COX11: variants seen among roughly 807,000 people sequenced by gnomAD.
COX11 encodes cytochrome c oxidase assembly protein COX11, mitochondrial.
Under a neutral mutation model 29.4 loss-of-function variants are expected in COX11, and 18 were observed. The ratio of observed to expected loss-of-function variants is 0.61; its 90% CI spans 0.42 to 0.91. The LOEUF (loss-of-function observed/expected upper bound fraction) is 0.91. Ranked by LOEUF, COX11 falls within the 40% of genes least tolerant of loss-of-function variation. The probability of loss-of-function intolerance (pLI) is 0.00; values close to 1 mark genes in which losing one functional copy is unlikely to be tolerated. For synonymous variants in COX11, 131 were observed against 124.0 expected (o/e 1.06, Z -0.38); for missense variants, 312 against 346.0 (o/e 0.90, Z 0.78).
downstream of COX11, chr17:54,959,618 T>A (rs1020287775): frequency 2.6e-5 from 2 of 77,008 alleles, no homozygotes; most frequent in African/African-American, 1.1e-4. Flanking sequence ...GAAGATTAAT[T>A]TTTTTTTTTT....
intron 1 of COX11, among the ~76,000 whole-genome samples, chr17:54,967,991 C>T (rs1391101479): frequency 9.6e-6 from 1 of 104,634 alleles, no homozygotes; most frequent in Non-Finnish European, 1.8e-5. Flanking sequence ...TTAGAGGCTG[C>T]GGACCTTTTT....
exon 1 of COX11, chr17:54,952,777 A>G (rs1192087498): frequency 6.6e-6 from 1 of 152,302 alleles, no homozygotes; most frequent in Non-Finnish European, 1.5e-5. Context: ...TGAGGCCCCA[A>G]GTCTGGAACT....
chr17:54,953,752 C>T (rs2049351423), exon 1 of COX11: 1 of 152,154 alleles, frequency 6.6e-6, no homozygotes, highest in Non-Finnish European at 1.5e-5. Flanking sequence ...CATCTCTTTA[C>T]TATAGACCTT....
downstream of COX11, among the ~76,000 whole-genome samples, chr17:54,958,808 G>A (rs913407874): frequency 1.3e-5 from 2 of 151,408 alleles, no homozygotes; most frequent in African/African-American, 4.9e-5. Flanking sequence ...TGGAATTAAA[G>A]GCTGTACTTT....
rs1040163645 is a variant in COX11 at position 54,963,445 on chromosome 17, T to C, written c.523-14A>G. The C allele has an allele frequency of 1.9e-6, 3 of 1,594,904 alleles. No homozygotes were observed. Among genetic ancestry groups the C allele is most frequent in the Middle Eastern group, 4.1e-4 (2 of 4,862 alleles). On this transcript the variant is annotated splice_polypyrimidine_tract_variant and intron_variant, in intron 2 of 3. Transcript: ENST00000299335. ...TCCTGGCACCACCTGTTTTAAAGAA[T>C]ATATATATTATCAATACTTTGAATC...
At chr17:54,955,516 G>A (rs770461166), downstream of COX11, among the ~76,000 whole-genome samples, 1 of 152,084 alleles carries the variant, frequency 6.6e-6, no homozygotes, top group Non-Finnish European at 1.5e-5. Context: ...GATATTTTAG[G>A]GGTTGCCACA....
chr17:54,968,003 T>TTTTA (rs2077290729), intron 1 of COX11, among the ~76,000 whole-genome samples: 1 of 149,696 alleles, frequency 6.7e-6, no homozygotes, highest in Non-Finnish European at 1.5e-5. Context: ...GACCTTTTTT[T>TTTTA]TTTTTTTTGG....
chr17:54,964,320 T>C (rs1262126651), intron 2 of COX11, among the ~76,000 whole-genome samples: 1 of 152,206 alleles, frequency 6.6e-6, no homozygotes, highest in Non-Finnish European at 1.5e-5. Flanking sequence ...AACTACTCAT[T>C]GTAACCAATG....
rs190375354 is a variant in COX11, at chr17:54,961,380, T to C, written c.*1353A>G. 857 of 1,549,912 alleles carry C rather than the reference T, an allele frequency of 5.5e-4. 6 individuals are homozygous for C. In the African/African-American group the frequency reaches 0.011, roughly 19 times the overall value. On this transcript the variant is annotated 3_prime_UTR_variant, in exon 4 of 4. Transcript: ENST00000299335. ...CATTTCTGCTATAATGAAGATTAAATAGAATAACAGTTCCAGGATAACACT... is the reference window on the plus strand; with the variant it reads ...CATTTCTGCTATAATGAAGATTAAACAGAATAACAGTTCCAGGATAACACT...
intron 1 of COX11, among the ~76,000 whole-genome samples, chr17:54,966,462 T>C (rs951983674): frequency 6.6e-6 from 1 of 152,230 alleles, no homozygotes; most frequent in Admixed American, 6.5e-5. Flanking sequence ...CTTAGAACTA[T>C]GGACATTTTG....
intron 1 of COX11, among the ~76,000 whole-genome samples, chr17:54,965,328 A>G (rs551811367): frequency 6.6e-6 from 1 of 152,168 alleles, no homozygotes; most frequent in Non-Finnish European, 1.5e-5. Context: ...TCCAAATAAG[A>G]TTGTAGCTTC....
At chr17:54,964,648 G>A in intron 2 of COX11, 49 bp downstream of exon 2, 2 of 1,535,594 alleles carry the variant, frequency 1.3e-6, no homozygotes, top group South Asian at 2.3e-5. Flanking sequence ...ATGAAAGAAA[G>A]GAATTTACAT....
In COX11 at chr17:54,962,042, T is replaced by G; in HGVS notation, c.*691A>C. 1.0e-6 allele frequency: 1 copy of G among 984,892 alleles called. No homozygotes were observed. The highest frequency in any genetic ancestry group is 4.7e-5 in the South Asian group (1 of 21,274). 61.0% of individuals were successfully genotyped at this position (984,892 alleles called of 1,614,324 possible). A position where few individuals can be genotyped will look rare whatever the true frequency, so the allele number is the denominator to read the frequency against. On this transcript the variant is annotated 3_prime_UTR_variant, in exon 4 of 4. Transcript: ENST00000299335. ...TCTTCACAATCCCACCTGTACATTT[T>G]AACATTCATGGACTTGTAATGGTGA...
chr17:54,956,308 CTAATT>C (rs1308671506), downstream of COX11, among the ~76,000 whole-genome samples: 2 of 152,064 alleles, frequency 1.3e-5, no homozygotes, highest in African/African-American at 4.8e-5. Context: ...CCATGCCTGG[CTAATT>C]TAATTTTTTG....
At chr17:54,954,885 T>C (rs2049415040) in exon 1 of COX11, 2 of 152,222 alleles carry the variant, frequency 1.3e-5, no homozygotes, top group Admixed American at 1.3e-4. Flanking sequence ...GCAAAAAAAG[T>C]CCAATTGGAG....
rs751770017 is a variant in COX11 at position 54,968,614 on chromosome 17, G to A, written c.33C>T (p.Cys11=). Residue 11 remains cysteine (C), a synonymous_variant, in exon 1 of 4, where the codon TGC becomes TGT. Transcript: ENST00000299335. MGGLWRPGWR[C]VPFCGWRWIH... is the part of the protein sequence containing the mutation. ...TCCAGCGCCAGCCACAGAAAGGAAC[G>A]CACCTCCATCCAGGACGCCAGAGCC... is the stretch of plus-strand genomic sequence containing the variant. 15 of 1,612,868 alleles carry A rather than the reference G, an allele frequency of 9.3e-6. No homozygotes were observed. Among genetic ancestry groups the A allele is most frequent in the East Asian group, 2.2e-5 (1 of 44,828 alleles).
At position 54,961,871 on chromosome 17, in the gene COX11, C is replaced by T. The variant is rs2077133236; in HGVS notation, c.*862G>A. ...GCCTTTTTTTCTCTTTTTACTGCAA[C>T]TTAATATTTCTATTTAGAACACAGA... On this transcript the variant is annotated 3_prime_UTR_variant, in exon 4 of 4. Transcript: ENST00000299335. The T allele has an allele frequency of 5.4e-6, 5 of 933,264 alleles. No individual in the cohort carries two copies. Among genetic ancestry groups the T allele is most frequent in the Non-Finnish European group, 6.4e-6 (5 of 782,438 alleles). The allele number at this position is 933,264 out of a possible 1,614,324, so 57.8% of individuals were successfully genotyped here. A position where few individuals can be genotyped will look rare whatever the true frequency, so the allele number is the denominator to read the frequency against.
At chr17:54,965,346 T>C (rs2077199059) in intron 1 of COX11, among the ~76,000 whole-genome samples, 1 of 152,250 alleles carries the variant, frequency 6.6e-6, no homozygotes, top group African/African-American at 2.4e-5. Context: ...TTCACTTTTA[T>C]TAACATTCTG....
In COX11 at chr17:54,962,731, C is replaced by T; in HGVS notation, c.*2G>A. ...CTTTGAAGGAAGACTTAGTTGCTGA[C>T]TTCAATTATATCCTGGAACTGGCAA... On this transcript the variant is annotated 3_prime_UTR_variant, in exon 4 of 4. Coordinates refer to ENST00000299335, the MANE Select transcript of COX11 (RefSeq NM_004375.5). 3.7e-6 allele frequency: 6 copies of T among 1,608,696 alleles called. No homozygotes were observed. Among genetic ancestry groups the T allele is most frequent in the Non-Finnish European group, 5.1e-6 (6 of 1,178,470 alleles).
Sources: allele counts gnomAD v4.1 joint callset (sites outside exome capture counted in the v4.1 genomes callset), GRCh38; gene constraint gnomAD v4.1.1; transcripts MANE v1.5; gene names NCBI Gene and HGNC (gene_info 2026-07-23, HGNC 2026-07-21).